Variants in TRABD2B observed in about 807,000 individuals in gnomAD.
The protein encoded by TRABD2B is TraB domain containing 2B.
TRABD2B carries 14 observed loss-of-function variants against 40.1 expected under a neutral mutation model. The observed-to-expected ratio is 0.35, with a 90% CI of 0.23 to 0.55. The LOEUF is 0.55. TRABD2B is among the 20% of genes least tolerant of loss of function. The pLI is 0.90. For synonymous variants in TRABD2B, 263 were observed against 277.0 expected, an observed-to-expected ratio of 0.95 and a Z score of 0.50; for missense variants, 541 against 648.6, an observed-to-expected ratio of 0.83 and a Z score of 1.80.
chr1:47,885,038 T>C (rs1028452645), intron 2 of TRABD2B, among the ~76,000 whole-genome samples: 7 of 151,950 alleles, frequency 4.6e-5, no homozygotes, highest in African/African-American at 1.7e-4. Context: ...TGCTCAAAAC[T>C]ACAAAAGATA....
intron 2 of TRABD2B, among the ~76,000 whole-genome samples, chr1:47,823,924 C>T (rs1398735799): frequency 6.6e-6 from 1 of 152,192 alleles, no homozygotes; most frequent in African/African-American, 2.4e-5. Context: ...TGGGGCCTGC[C>T]TGCAATGGCT....
chr1:47,769,692 G>A (rs1242309860), intron 6 of TRABD2B, among the ~76,000 whole-genome samples: 1 of 152,234 alleles, frequency 6.6e-6, no homozygotes, highest in Non-Finnish European at 1.5e-5. Context: ...GTGTTCCCAG[G>A]CTCCACAGAT....
chr1:47,921,345 G>A (rs1644899527), intron 2 of TRABD2B, among the ~76,000 whole-genome samples: 1 of 152,186 alleles, frequency 6.6e-6, no homozygotes, highest in Non-Finnish European at 1.5e-5. Flanking sequence ...CAGCAGCTAA[G>A]AAAGACAAGT....
At chr1:47,921,919 A>G (rs1253362258) in intron 2 of TRABD2B, among the ~76,000 whole-genome samples, 3 of 152,222 alleles carry the variant, frequency 2.0e-5, no homozygotes, top group African/African-American at 4.8e-5. Context: ...AAGCTCACTA[A>G]TCCATACCTC....
chr1:47,879,657 A>G lies in TRABD2B; in HGVS notation c.667-78038T>C, dbSNP rs556345062. ...TAACAATTATTTCAGAATGATTTTT[A>G]TATTATTTGTACTTTTCTATTTCTA... On this transcript the variant is annotated intron_variant, in intron 2 of 6. Coordinates refer to ENST00000606738, the MANE Select transcript of TRABD2B (RefSeq NM_001194986.2). Among the ~76,000 whole-genome samples, 8 of 152,372 alleles carry G rather than the reference A, an allele frequency of 5.3e-5. No individual in the cohort carries two copies. The South Asian group carries it at 1.4e-3, about 28-fold the overall frequency.
chr1:47,847,969 TCCAGCTA>T (rs1645495525), intron 2 of TRABD2B, among the ~76,000 whole-genome samples: 1 of 152,158 alleles, frequency 6.6e-6, no homozygotes, highest in African/African-American at 2.4e-5. Context: ...CGCCATAAAT[TCCAGCTA>T]CCTGAGAGCC....
At chr1:47,780,765 A>G (rs1644510862) in intron 4 of TRABD2B, among the ~76,000 whole-genome samples, 1 of 152,170 alleles carries the variant, frequency 6.6e-6, no homozygotes, top group Non-Finnish European at 1.5e-5. Flanking sequence ...ACATTTGGGA[A>G]GCTAACTGCA....
At chr1:47,782,419 G>A (rs958355608) in intron 4 of TRABD2B, among the ~76,000 whole-genome samples, 2 of 152,254 alleles carry the variant, frequency 1.3e-5, no homozygotes, top group Non-Finnish European at 2.9e-5. Flanking sequence ...TTGTCAGAAC[G>A]TGCTCCCAAC....
At chr1:47,958,407 A>G (rs1330335738) in intron 2 of TRABD2B, among the ~76,000 whole-genome samples, 2 of 147,934 alleles carry the variant, frequency 1.4e-5, no homozygotes, top group Non-Finnish European at 3.0e-5. Flanking sequence ...TAAAAGACAC[A>G]GACTGGCAAA....
At chr1:47,779,355 G>A (rs1644489626) in intron 4 of TRABD2B, among the ~76,000 whole-genome samples, 1 of 152,320 alleles carries the variant, frequency 6.6e-6, no homozygotes, top group East Asian at 1.9e-4. Flanking sequence ...TGTGGGGAGA[G>A]GGGCTGGCCT....
chr1:47,962,007 T>C (rs113916054), intron 2 of TRABD2B, among the ~76,000 whole-genome samples: 7,351 of 152,136 alleles, frequency 0.048, 389 homozygotes, highest in African/African-American at 0.13. Context: ...ATGTGGCACA[T>C]ATACACCATG....
At chr1:47,914,488 T>C (rs1644804320) in intron 2 of TRABD2B, among the ~76,000 whole-genome samples, 3 of 152,204 alleles carry the variant, frequency 2.0e-5, no homozygotes, top group Non-Finnish European at 4.4e-5. Flanking sequence ...GAGGGGCTGC[T>C]GGAATGAATG....
At chr1:47,888,908 T>C (rs1421554342) in intron 2 of TRABD2B, among the ~76,000 whole-genome samples, 1 of 152,198 alleles carries the variant, frequency 6.6e-6, no homozygotes, top group Non-Finnish European at 1.5e-5. Flanking sequence ...TGATGGGGGC[T>C]TGTTGTCACA....
Position 47,802,864 on chromosome 1 carries a change from C to T in TRABD2B, c.667-1245G>A, listed in dbSNP as rs74069689. On this transcript the variant is annotated intron_variant, in intron 2 of 6. Transcript: ENST00000606738. ...TTCTCTCTCTCTCTTTTGCTCAAAA[C>T]GTTCACAGGTCCCTCCCACCTGCAG... Among the ~76,000 whole-genome samples the T allele has an allele frequency of 3.6e-3, 550 of 152,188 alleles. 2 individuals carry two copies. The highest frequency in any genetic ancestry group is 0.013 in the African/African-American group (535 of 41,482).
chr1:47,963,263 G>A (rs1645548382), intron 2 of TRABD2B, among the ~76,000 whole-genome samples: 1 of 152,238 alleles, frequency 6.6e-6, no homozygotes, highest in Non-Finnish European at 1.5e-5. Flanking sequence ...AGACATGCAT[G>A]TTGAATACAG....
intron 4 of TRABD2B, among the ~76,000 whole-genome samples, chr1:47,792,295 T>G (rs1407256020): frequency 6.6e-6 from 1 of 152,226 alleles, no homozygotes; most frequent in East Asian, 1.9e-4. Flanking sequence ...TTTCATTCAC[T>G]CAGCAAACTT....
chr1:47,799,921 G>A (rs1644798935), intron 3 of TRABD2B, among the ~76,000 whole-genome samples: 1 of 152,174 alleles, frequency 6.6e-6, no homozygotes, highest in Non-Finnish European at 1.5e-5. Context: ...ACACTTTGGT[G>A]CAATTCATTC....
chr1:47,927,865 A>G (rs1048175084), intron 2 of TRABD2B, among the ~76,000 whole-genome samples: 2 of 152,014 alleles, frequency 1.3e-5, no homozygotes, highest in South Asian at 4.1e-4. Flanking sequence ...CCTGAGCAAG[A>G]CCTCTGCTTC....
At chr1:47,772,604 G>A (rs981214731) in intron 6 of TRABD2B, among the ~76,000 whole-genome samples, 4 of 152,192 alleles carry the variant, frequency 2.6e-5, no homozygotes, top group Admixed American at 6.5e-5. Context: ...ATGGGGTTTC[G>A]GAGGAGAAAA....
Sources: gnomAD v4.1 joint callset for allele counts (sites outside exome capture counted in the v4.1 genomes callset) on GRCh38, gnomAD v4.1.1 for gene constraint, MANE v1.5 for transcripts, NCBI Gene and HGNC (gene_info 2026-07-23, HGNC 2026-07-21) for gene names.